ACO1: variants seen among roughly 807,000 people sequenced by gnomAD.
ACO1 encodes the protein cytoplasmic aconitate hydratase.
A neutral mutation model predicts 105.1 loss-of-function variants in ACO1; 78 were observed. The ratio of observed to expected loss-of-function variants is 0.74; its 90% CI spans 0.62 to 0.90. The LOEUF is 0.90. Ranked by LOEUF, ACO1 falls within the 40% of genes least tolerant of loss-of-function variation. The pLI, the probability that ACO1 is intolerant of heterozygous loss-of-function variation, is 0.00. For missense variants in ACO1, 965 were observed against 1,111.1 expected (o/e 0.87, Z 1.87); for synonymous variants, 364 against 397.4 (o/e 0.92, Z 1.00).
rs1284434985 is a variant in ACO1 at position 32,450,822 on chromosome 9, T to G, written c.*711T>G. ...TTTCTAATTTGAATGAAATGAAATC[T>G]ATTTTCAGTGAAAACTTGTTGACTT... On this transcript the variant is annotated 3_prime_UTR_variant, in exon 21 of 21. Coordinates refer to ENST00000309951, the MANE Select transcript of ACO1 (RefSeq NM_002197.3). 6.6e-6 allele frequency: 1 copy of G among 152,248 alleles called. No homozygotes were observed. The highest frequency in any genetic ancestry group is 2.4e-5 in the African/African-American group (1 of 41,460). 9.4% of individuals were successfully genotyped at this position (152,248 alleles called of 1,614,324 possible).
chr9:32,387,326 G>A (rs186686910), intron 1 of ACO1, among the ~76,000 whole-genome samples: 1 of 152,160 alleles, frequency 6.6e-6, no homozygotes, highest in African/African-American at 2.4e-5. Flanking sequence ...GTTTATACTA[G>A]CATTTGTGCA....
At chr9:32,424,522 A>G (rs775380821) in intron 9 of ACO1, 27 bp from the exon 10 acceptor site, 1 of 1,499,862 alleles carries the variant, frequency 6.7e-7, no homozygotes, top group East Asian at 2.3e-5. Flanking sequence ...TGTAAATTCT[A>G]TAATTTCTTT....
intron 14 of ACO1, 60 bp downstream of exon 14, chr9:32,430,634 A>T: frequency 6.6e-7 from 1 of 1,520,282 alleles, no homozygotes. Flanking sequence ...TATTACTAGA[A>T]GAAACTGCTT....
intron 18 of ACO1, 127 bp from the exon 19 acceptor site, chr9:32,440,338 G>T: frequency 1.1e-6 from 1 of 918,194 alleles, no homozygotes; most frequent in Non-Finnish European, 1.6e-6. Flanking sequence ...GGAATTTGTA[G>T]ACAAGATGAT....
rs1362166806 is a variant in ACO1 at position 32,450,266 on chromosome 9, C to G, written c.*155C>G. The G allele has an allele frequency of 4.1e-6, 3 of 738,226 alleles. No individual in the cohort carries two copies. In the Admixed American group the frequency reaches 5.9e-5, roughly 14 times the overall value. 45.7% of individuals were successfully genotyped at this position (738,226 alleles called of 1,614,324 possible). A position where few individuals can be genotyped will look rare whatever the true frequency, so the allele number is the denominator to read the frequency against. ...GGGTCTGGTGCCAATCCTGTAGGCA[C>G]AAAACCAGAAGTTTCTACATTCTCT... is the stretch of plus-strand genomic sequence containing the variant. On this transcript the variant is annotated 3_prime_UTR_variant, in exon 21 of 21. Coordinates refer to ENST00000309951, the MANE Select transcript of ACO1 (RefSeq NM_002197.3).
chr9:32,450,030 G>A lies in ACO1; in HGVS notation c.2589G>A (p.Met863Ile), dbSNP rs568296875. 1.2e-6 allele frequency: 2 copies of A among 1,614,098 alleles called. No individual in the cohort carries two copies. Among genetic ancestry groups the A allele is most frequent in the African/African-American group, 2.7e-5 (2 of 75,038 alleles). Reference protein sequence around the residue: ...LDTGKTFQAVMRFDTDVELTY... With the variant: ...LDTGKTFQAVIRFDTDVELTY... ...CTGGCAAGACCTTCCAGGCTGTCAT[G>A]AGGTTTGACACTGATGTGGAGCTCA... The change falls in exon 21 of 21, where the codon ATG (methionine) becomes ATA (isoleucine). Residue 863 changes from methionine (M) to isoleucine (I), a missense_variant. Coordinates refer to ENST00000309951, the MANE Select transcript of ACO1 (RefSeq NM_002197.3).
chr9:32,397,109 A>C (rs913485313), intron 1 of ACO1, among the ~76,000 whole-genome samples: 2 of 152,196 alleles, frequency 1.3e-5, no homozygotes, highest in African/African-American at 2.4e-5. Context: ...GAGATGGGAA[A>C]GCTTTCTGAT....
chr9:32,409,219 C>A (rs541955992), intron 4 of ACO1, among the ~76,000 whole-genome samples: 2 of 152,158 alleles, frequency 1.3e-5, no homozygotes, highest in African/African-American at 4.8e-5. Flanking sequence ...CTACGAAGCT[C>A]CCTGTTCTTC....
chr9:32,442,840 G>A (rs1400601006), intron 19 of ACO1, among the ~76,000 whole-genome samples: 1 of 152,174 alleles, frequency 6.6e-6, no homozygotes, highest in Non-Finnish European at 1.5e-5. Flanking sequence ...GACTCCCTGG[G>A]TAAAGGGGGA....
At chr9:32,415,764 A>G (rs1386834592) in intron 4 of ACO1, among the ~76,000 whole-genome samples, 2 of 152,174 alleles carry the variant, frequency 1.3e-5, no homozygotes, top group Admixed American at 1.3e-4. Flanking sequence ...GTACACACAC[A>G]AATAGACACT....
chr9:32,440,354 G>A (rs575095399), intron 18 of ACO1, 111 bp from the exon 19 acceptor site: 5 of 1,115,648 alleles, frequency 4.5e-6, no homozygotes, highest in Middle Eastern at 2.3e-4. Context: ...ATGATTGGAC[G>A]GATTTGGCCA....
At chr9:32,393,070 C>T (rs1821299542) in intron 1 of ACO1, among the ~76,000 whole-genome samples, 1 of 152,044 alleles carries the variant, frequency 6.6e-6, no homozygotes, top group African/African-American at 2.4e-5. Flanking sequence ...TGTGTTTGAA[C>T]AATATGAAAT....
chr9:32,444,662 T>A (rs1029981504), intron 19 of ACO1, among the ~76,000 whole-genome samples: 2 of 152,072 alleles, frequency 1.3e-5, no homozygotes, highest in Non-Finnish European at 2.9e-5. Flanking sequence ...CACTTTTTGA[T>A]GGGGTGAGAG....
chr9:32,445,279 T>G (rs1374624212), intron 19 of ACO1, among the ~76,000 whole-genome samples: 1 of 152,212 alleles, frequency 6.6e-6, no homozygotes, highest in Non-Finnish European at 1.5e-5. Context: ...AATTACTGCC[T>G]CAATTTCAGA....
rs142052091 is a variant in ACO1 at position 32,411,495 on chromosome 9, T to C, written c.404+2844T>C. 4.3e-3 allele frequency among the ~76,000 whole-genome samples: 655 copies of C among 152,298 alleles called. 4 individuals are homozygous for C. Among genetic ancestry groups the C allele is most frequent in the African/African-American group, 0.015 (614 of 41,572 alleles). On this transcript the variant is annotated intron_variant, in intron 4 of 20. Transcript: ENST00000309951. Reference sequence around the variant, plus strand: ...TTAAGAGAAAATAACTTGAAAAATATGGCAAAGTGTTAATATACTTAATAT... The same window carrying C: ...TTAAGAGAAAATAACTTGAAAAATACGGCAAAGTGTTAATATACTTAATAT...
Position 32,450,607 on chromosome 9 carries a change from A to T in ACO1, c.*496A>T. On this transcript the variant is annotated 3_prime_UTR_variant, in exon 21 of 21. Transcript: ENST00000309951. ...TTGCACACTTCAAATCAGAGCAGTG[A>T]TTCTCTCTTCTCTCCCCTTTTCCTT... is the stretch of plus-strand genomic sequence containing the variant. 1 of 168,598 alleles carries T rather than the reference A, an allele frequency of 5.9e-6. No homozygotes were observed. The highest frequency in any genetic ancestry group is 2.4e-5 in the African/African-American group (1 of 41,636). The allele number at this position is 168,598 out of a possible 1,614,324, so 10.4% of individuals were successfully genotyped here.
chr9:32,436,670 G>T (rs755790810), intron 18 of ACO1, among the ~76,000 whole-genome samples: 1 of 152,138 alleles, frequency 6.6e-6, no homozygotes, highest in African/African-American at 2.4e-5. Context: ...TAAAGTATTC[G>T]AAGGGGAAAT....
At chr9:32,419,013 C>A in intron 6 of ACO1, 25 bp from the exon 7 acceptor site, 1 of 1,559,248 alleles carries the variant, frequency 6.4e-7, no homozygotes, top group South Asian at 1.2e-5. Flanking sequence ...TGAAGGCATT[C>A]TTCCGGTCAT....
chr9:32,431,928 A>G, intron 15 of ACO1, 85 bp downstream of exon 15: 3 of 1,492,834 alleles, frequency 2.0e-6, no homozygotes, highest in South Asian at 1.2e-5. Context: ...CCTCAAGGCT[A>G]ACGGAAGTAT....
Sources: allele counts gnomAD v4.1 joint callset (sites outside exome capture counted in the v4.1 genomes callset), GRCh38; gene constraint gnomAD v4.1.1; transcripts MANE v1.5; gene names NCBI Gene and HGNC (gene_info 2026-07-23, HGNC 2026-07-21).